The following DGKQ variants were observed in gnomAD, a reference collection of about 807,000 sequenced individuals.
DGKQ encodes DAG kinase theta.
Under a neutral mutation model 104.2 loss-of-function variants are expected in DGKQ, and 97 were observed. The observed-to-expected ratio is 0.93, with a 90% CI of 0.79 to 1.10. The LOEUF (loss-of-function observed/expected upper bound fraction) is 1.10, where lower values mean the gene tolerates loss of function less well. Among genes scored for constraint, DGKQ ranks in the 50% least tolerant of loss-of-function variants. DGKQ has a pLI of 0.00. For synonymous variants in DGKQ, 736 were observed against 595.2 expected, an observed-to-expected ratio of 1.24 and a Z score of -3.44; for missense variants, 1,465 against 1,352.1, an observed-to-expected ratio of 1.08 and a Z score of -1.31.
chr4:967,746 G>T lies in DGKQ; in HGVS notation c.868C>A (p.Gln290Lys), dbSNP rs749580646. The change falls in exon 7 of 23, where the codon CAG (glutamine) becomes AAG (lysine). Residue 290 changes from glutamine to lysine, a missense_variant. Transcript: ENST00000273814. ...SAAVGPGRET[Q>K]ATPESGKQTL... is the part of the protein sequence containing the mutation. ...CACTTACCGGACTCCGGAGTTGCCTGTGTCTCTCTGCCTGGACCCACGGCA... is the reference window on the plus strand; with the variant it reads ...CACTTACCGGACTCCGGAGTTGCCTTTGTCTCTCTGCCTGGACCCACGGCA... 2.5e-6 allele frequency: 4 copies of T among 1,610,740 alleles called. No homozygotes were observed. The East Asian group carries it at 8.9e-5, about 36-fold the overall frequency.
At position 967,560 on chromosome 4, in the gene DGKQ, C is replaced by G. The variant is rs750412054; in HGVS notation, c.976G>C (p.Glu326Gln). The stretch of plus-strand genomic sequence containing the variant: ...AGCCTCCCCCTTACCAGCACCTCCT[C>G]GGCACCGGCCAGGCGGGACACCGTG... ...LVTVSRLAGA[E>Q]EVLEAALRAH... The change falls in exon 8 of 23, where the codon GAG becomes CAG. Residue 326 changes from glutamate (E) to glutamine (Q), a missense_variant. Transcript: ENST00000273814. 5.6e-6 allele frequency: 9 copies of G among 1,612,322 alleles called. No individual in the cohort carries two copies. The Admixed American group carries it at 6.7e-5, about 12-fold the overall frequency.
rs750584843 is a variant in DGKQ, at chr4:961,673, C to T, written c.2462+15G>A. 1 of 1,612,178 alleles carries T rather than the reference C, an allele frequency of 6.2e-7. No homozygotes were observed. Among genetic ancestry groups the T allele is most frequent in the Non-Finnish European group, 8.5e-7 (1 of 1,179,850 alleles). ...CCGCCGGGCAGAGCCTCTGGGGAGC[C>T]CCGCCCGCGAGCACCTGGGGATGTT... On this transcript the variant is annotated intron_variant, in intron 20 of 22. Transcript: ENST00000273814.
chr4:958,980 A>ACAGACCC lies in DGKQ; in HGVS notation c.*1633_*1639dup, dbSNP rs1711654547. The stretch of plus-strand genomic sequence containing the variant: ...TACAGAGGGGCCCGGTGTGCAGGGC[A>ACAGACCC]CAGACCCCACCTGGGTACAGACTCA... On this transcript the variant is annotated 3_prime_UTR_variant, in exon 23 of 23. Transcript: ENST00000273814. 1 of 162,736 alleles carries ACAGACCC rather than the reference A, an allele frequency of 6.1e-6. No individual in the cohort carries two copies. Among genetic ancestry groups the ACAGACCC allele is most frequent in the South Asian group, 1.9e-4 (1 of 5,378 alleles). The allele number at this position is 162,736 out of a possible 1,614,324, so 10.1% of individuals were successfully genotyped here.
intron 2 of DGKQ, among the ~76,000 whole-genome samples, chr4:969,364 G>A (rs917913715): frequency 2.0e-5 from 3 of 152,238 alleles, no homozygotes; most frequent in Non-Finnish European, 2.9e-5. Context: ...AGCACACAGG[G>A]ACTGCCCTCT....
Position 966,465 on chromosome 4 carries a change from C to A in DGKQ, c.1428+1G>T. 1.2e-6 allele frequency: 2 copies of A among 1,612,428 alleles called. No individual in the cohort carries two copies. ...GGGGGCCGGCGTCCACACCCACTCA[C>A]CTGCCGGATGTCCTGTAGCCGGTCC... On this transcript the variant is annotated splice_donor_variant, in intron 12 of 22. Coordinates refer to ENST00000273814, the MANE Select transcript of DGKQ (RefSeq NM_001347.4). LOFTEE classifies it high-confidence loss of function.
intron 15 of DGKQ, among the ~76,000 whole-genome samples, chr4:964,495 C>T (rs921890727): frequency 2.7e-5 from 4 of 149,152 alleles, no homozygotes; most frequent in African/African-American, 9.7e-5. Flanking sequence ...AACCCCGTTC[C>T]CCCCGGCCCT....
chr4:960,205 C>T lies in DGKQ; in HGVS notation c.*415G>A, dbSNP rs922493962. The stretch of plus-strand genomic sequence containing the variant: ...TGCTCTTAAGGACTGGCCAGGGGGA[C>T]GGCCCGAGGGGCACAAAGTGAGATC... On this transcript the variant is annotated 3_prime_UTR_variant, in exon 23 of 23. Coordinates refer to ENST00000273814, the MANE Select transcript of DGKQ (RefSeq NM_001347.4). 14 of 181,472 alleles carry T rather than the reference C, an allele frequency of 7.7e-5. No homozygotes were observed. Among genetic ancestry groups the T allele is most frequent in the East Asian group, 4.4e-4 (3 of 6,844 alleles). 11.2% of individuals were successfully genotyped at this position (181,472 alleles called of 1,614,324 possible).
rs1712547259 is a variant in DGKQ at position 967,870 on chromosome 4, C to CGCACCTCACCCGGCT, written c.806_811+9dup. 9.6e-6 allele frequency: 14 copies of CGCACCTCACCCGGCT among 1,463,968 alleles called. No individual in the cohort carries two copies. In the East Asian group the frequency reaches 3.6e-4, roughly 38 times the overall value. The allele number at this position is 1,463,968 out of a possible 1,614,324, so 90.7% of individuals were successfully genotyped here. On this transcript the variant is annotated intron_variant, in intron 6 of 22. Transcript: ENST00000273814. ...CCAGCCCAGGGCGCCCCGGCCGGCCCGCACCTCACCCGGCTCCGCGGCCTC... is the reference window on the plus strand; with the variant it reads ...CCAGCCCAGGGCGCCCCGGCCGGCCCGCACCTCACCCGGCTGCACCTCACCCGGCTCCGCGGCCTC...
In DGKQ at chr4:966,210, C is replaced by A. The variant is rs950288673; in HGVS notation, c.1429-132G>T. ...CCCAGGAATTAAGTCAACAGGAAAA[C>A]GAGGAAAGGGGCCACAGAGGCTTCC... On this transcript the variant is annotated intron_variant, in intron 12 of 22. Transcript: ENST00000273814. 3 of 1,059,684 alleles carry A rather than the reference C, an allele frequency of 2.8e-6. No homozygotes were observed. In the African/African-American group the frequency reaches 4.8e-5, roughly 17 times the overall value. 65.6% of individuals were successfully genotyped at this position (1,059,684 alleles called of 1,614,324 possible).
At chr4:970,081 C>T (rs1475178475) in intron 2 of DGKQ, among the ~76,000 whole-genome samples, 3 of 152,258 alleles carry the variant, frequency 2.0e-5, no homozygotes, top group African/African-American at 4.8e-5. Flanking sequence ...ACCAGGGTGT[C>T]GGCCACCACC....
chr4:962,975 C>T (rs995552227), intron 16 of DGKQ, 55 bp from the exon 17 acceptor site: 15 of 1,556,682 alleles, frequency 9.6e-6, no homozygotes, highest in Admixed American at 9.5e-5. Flanking sequence ...CCATCCCCCA[C>T]CCAGGCTGCC....
intron 21 of DGKQ, 94 bp downstream of exon 21, chr4:961,373 G>C: frequency 7.2e-7 from 1 of 1,395,062 alleles, no homozygotes; most frequent in East Asian, 2.5e-5. Context: ...CGCCCACCCT[G>C]GACCTGGCCC....
Position 962,819 on chromosome 4 carries a change from C to T in DGKQ, c.1988G>A (p.Arg663Gln), listed in dbSNP as rs752503518. 16 of 1,606,012 alleles carry T rather than the reference C, an allele frequency of 1.0e-5. No homozygotes were observed. The Admixed American group carries it at 1.0e-4, about 10-fold the overall frequency. The change falls in exon 17 of 23, where the codon CGA becomes CAA. Residue 663 changes from arginine (R) to glutamine (Q), a missense_variant. Transcript: ENST00000273814. ...CACAGAAGGCTCCGGGCAGGCCAGT[C>T]GGTACCGTGTCTCCTCCAGGGCGCC... ...VLGALEETRY[R>Q]LACPEPSVAI...
In DGKQ at chr4:960,228, A is replaced by G; in HGVS notation, c.*392T>C. On this transcript the variant is annotated 3_prime_UTR_variant, in exon 23 of 23. Transcript: ENST00000273814. ...GACGGCCCGAGGGGCACAAAGTGAGATCAGACCCACCTGGACGGCCTGCAT... is the reference window on the plus strand; with the variant it reads ...GACGGCCCGAGGGGCACAAAGTGAGGTCAGACCCACCTGGACGGCCTGCAT... 1 of 212,610 alleles carries G rather than the reference A, an allele frequency of 4.7e-6. No individual in the cohort carries two copies. Among genetic ancestry groups the G allele is most frequent in the Non-Finnish European group, 9.5e-6 (1 of 104,956 alleles). The allele number at this position is 212,610 out of a possible 1,614,324, so 13.2% of individuals were successfully genotyped here. A position where few individuals can be genotyped will look rare whatever the true frequency, so the allele number is the denominator to read the frequency against.
rs1271853105 is a variant in DGKQ, at chr4:971,671, G to A, written c.272-599C>T. ...CCTGAGCCGGCGGGGTGCTCAGGAG[G>A]GCATAAGAGGAGCAAGCGCCACACC... On this transcript the variant is annotated intron_variant, in intron 1 of 22. Coordinates refer to ENST00000273814, the MANE Select transcript of DGKQ (RefSeq NM_001347.4). The surrounding 1 kb of genome is among the most constrained non-coding windows in gnomAD (Gnocchi z 4.0). 1.3e-5 allele frequency among the ~76,000 whole-genome samples: 2 copies of A among 152,108 alleles called. No homozygotes were observed. The highest frequency in any genetic ancestry group is 2.9e-5 in the Non-Finnish European group (2 of 68,014).
At chr4:962,181 C>A in intron 18 of DGKQ, 99 bp from the exon 19 acceptor site, 2 of 1,144,948 alleles carry the variant, frequency 1.7e-6, no homozygotes, top group Non-Finnish European at 1.3e-6. Flanking sequence ...AGAGCAAGGA[C>A]CACCCTGGCA....
At chr4:960,802 C>A in intron 22 of DGKQ, 81 bp from the exon 23 acceptor site, 1 of 1,552,784 alleles carries the variant, frequency 6.4e-7, no homozygotes, top group Middle Eastern at 1.7e-4. Context: ...GGTCCTGGGG[C>A]CCCGGGCAGC....
chr4:961,977 G>A lies in DGKQ; in HGVS notation c.2315+5C>T, dbSNP rs762061695. The A allele has an allele frequency of 3.5e-5, 56 of 1,612,960 alleles. No homozygotes were observed. Among genetic ancestry groups the A allele is most frequent in the Middle Eastern group, 3.3e-4 (2 of 6,060 alleles). On this transcript the variant is annotated splice_donor_5th_base_variant and intron_variant, in intron 19 of 22. Transcript: ENST00000273814. Reference sequence around the variant, plus strand: ...GACAGGTGGTAGCCCCTGCGGCTCCGGTACCTGCTTGTGAACTTGCCAGGC... The same window carrying A: ...GACAGGTGGTAGCCCCTGCGGCTCCAGTACCTGCTTGTGAACTTGCCAGGC...
rs187639231 is a variant in DGKQ at position 962,117 on chromosome 4, C to T, written c.2215-35G>A. 1,035 of 1,578,236 alleles carry T rather than the reference C, an allele frequency of 6.6e-4. 2 individuals carry two copies. Among genetic ancestry groups the T allele is most frequent in the Middle Eastern group, 1.5e-3 (9 of 6,022 alleles). ...GGGCGTTCATCTCCCAGGACCCGGC[C>T]GCCCTCACCAGGCCCCCTGAGCTCC... On this transcript the variant is annotated intron_variant, in intron 18 of 22. Transcript: ENST00000273814.
Sources: gnomAD v4.1 joint callset for allele counts (sites outside exome capture counted in the v4.1 genomes callset) on GRCh38, gnomAD v4.1.1 for gene constraint, Gnocchi (gnomAD v3.1) non-coding constraint, MANE v1.5 for transcripts, NCBI Gene and HGNC (gene_info 2026-07-23, HGNC 2026-07-21) for gene names.